TENM4: variants seen among roughly 807,000 people sequenced by gnomAD.
The protein encoded by TENM4 is teneurin-4.
TENM4 carries 82 observed loss-of-function variants against 243.3 expected under a neutral mutation model. That is an observed-to-expected ratio of 0.34 (90% CI 0.28 to 0.40). The LOEUF (loss-of-function observed/expected upper bound fraction) is 0.40, where lower values mean the gene tolerates loss of function less well. Among genes scored for constraint, TENM4 ranks in the 10% least tolerant of loss-of-function variants. TENM4 has a pLI of 1.00. For synonymous variants in TENM4, 1,412 were observed against 1,456.3 expected, an observed-to-expected ratio of 0.97 and a Z score of 0.69; for missense variants, 3,138 against 3,673.3, an observed-to-expected ratio of 0.85 and a Z score of 3.77.
At position 78,903,399 on chromosome 11, in the gene TENM4, C is replaced by A; in HGVS notation, c.618G>T (p.Thr206=). 1 of 1,537,052 alleles carries A rather than the reference C, an allele frequency of 6.5e-7. No homozygotes were observed. The highest frequency in any genetic ancestry group is 8.8e-7 in the Non-Finnish European group (1 of 1,139,576). ...SINSLNRGNF[T]PRSNPSPAPT... ...GGGCCGGGCTGGGGTTGCTCCTCGG[C>A]GTGAAGTTGCCCCGGTTCAGGGAGT... Residue 206 remains threonine, a synonymous_variant, in exon 7 of 34, where the codon ACG becomes ACT. Coordinates refer to ENST00000278550, the MANE Select transcript of TENM4 (RefSeq NM_001098816.3).
chr11:78,941,065 C>T (rs957113776), intron 6 of TENM4, among the ~76,000 whole-genome samples: 3 of 152,212 alleles, frequency 2.0e-5, no homozygotes, highest in Admixed American at 6.5e-5. Flanking sequence ...GCATGTCCCC[C>T]GCAAGCCAAT....
chr11:79,370,232 G>A (rs1857755558), intron 1 of TENM4, among the ~76,000 whole-genome samples: 4 of 152,208 alleles, frequency 2.6e-5, no homozygotes, highest in Non-Finnish European at 4.4e-5. Context: ...GGCCCCCTAC[G>A]ACGGAGGCCA....
intron 17 of TENM4, among the ~76,000 whole-genome samples, chr11:78,773,660 C>T (rs1355331095): frequency 6.6e-6 from 1 of 152,170 alleles, no homozygotes; most frequent in Non-Finnish European, 1.5e-5. Context: ...GCCGTTATAG[C>T]TTGAAAGCAG....
chr11:78,829,618 C>T (rs1179514221), intron 12 of TENM4, among the ~76,000 whole-genome samples: 2 of 152,174 alleles, frequency 1.3e-5, no homozygotes, highest in African/African-American at 2.4e-5. Flanking sequence ...GAATGAGACT[C>T]TGGGGGTTCT....
chr11:78,771,745 C>G (rs969673701), intron 17 of TENM4, among the ~76,000 whole-genome samples: 3 of 152,162 alleles, frequency 2.0e-5, no homozygotes, highest in African/African-American at 7.2e-5. Flanking sequence ...TTCTTAACAT[C>G]TTGTCTACAG....
chr11:79,020,826 C>A (rs1447318882), intron 6 of TENM4, among the ~76,000 whole-genome samples: 2 of 152,170 alleles, frequency 1.3e-5, no homozygotes, highest in African/African-American at 2.4e-5. Flanking sequence ...CATCGCTGAG[C>A]ACCTACTCTA....
chr11:79,265,629 C>T lies in TENM4; in HGVS notation c.-265+31859G>A, dbSNP rs370132780. ...GAGTGTGCGGCTCTGAGCCATTTTGCTTTCATCTACTTTTCACATATATAT... is the reference window on the plus strand; with the variant it reads ...GAGTGTGCGGCTCTGAGCCATTTTGTTTTCATCTACTTTTCACATATATAT... On this transcript the variant is annotated intron_variant, in intron 2 of 33. Coordinates refer to ENST00000278550, the MANE Select transcript of TENM4 (RefSeq NM_001098816.3). Among the ~76,000 whole-genome samples the T allele has an allele frequency of 5.9e-5, 9 of 152,052 alleles. No individual in the cohort carries two copies. The South Asian group carries it at 1.2e-3, about 21-fold the overall frequency.
At chr11:78,907,182 A>T (rs1284669251) in intron 6 of TENM4, among the ~76,000 whole-genome samples, 2 of 151,908 alleles carry the variant, frequency 1.3e-5, no homozygotes, top group Non-Finnish European at 2.9e-5. Flanking sequence ...CTCACTCACA[A>T]ACCCCAGAAA....
intron 6 of TENM4, among the ~76,000 whole-genome samples, chr11:79,045,299 G>A (rs116209504): frequency 0.026 from 3,943 of 152,294 alleles, 176 homozygotes; most frequent in African/African-American, 0.09. Context: ...GCAACACTAT[G>A]AAGGAGGTTG....
intron 1 of TENM4, among the ~76,000 whole-genome samples, chr11:79,414,569 G>A (rs577587721): frequency 2.0e-5 from 3 of 152,336 alleles, no homozygotes; most frequent in African/African-American, 4.8e-5. Context: ...TTCTGTGCCA[G>A]TCTTCTGGAA....
chr11:79,418,706 G>T (rs1858869326), intron 1 of TENM4, among the ~76,000 whole-genome samples: 1 of 152,204 alleles, frequency 6.6e-6, no homozygotes, highest in Non-Finnish European at 1.5e-5. Flanking sequence ...TCTTCTGTGA[G>T]ACCCTGCCTG....
At chr11:79,413,680 A>G (rs1415544448) in intron 1 of TENM4, among the ~76,000 whole-genome samples, 2 of 151,510 alleles carry the variant, frequency 1.3e-5, no homozygotes, top group Admixed American at 6.6e-5. Flanking sequence ...AGTTTAGGAG[A>G]AAAAAAAAGC....
At chr11:78,767,318 C>T (rs2135984825) in intron 18 of TENM4, among the ~76,000 whole-genome samples, 1 of 152,338 alleles carries the variant, frequency 6.6e-6, no homozygotes, top group South Asian at 2.1e-4. Flanking sequence ...CACAGTGTTG[C>T]TGGATGGATG....
At chr11:78,829,811 A>G (rs1857936318) in intron 12 of TENM4, among the ~76,000 whole-genome samples, 1 of 152,178 alleles carries the variant, frequency 6.6e-6, no homozygotes, top group Non-Finnish European at 1.5e-5. Context: ...GTTAGTTTCT[A>G]GTGGCTGTCC....
chr11:78,784,413 G>A (rs1372686341), intron 16 of TENM4, among the ~76,000 whole-genome samples: 2 of 152,120 alleles, frequency 1.3e-5, no homozygotes, highest in African/African-American at 2.4e-5. Context: ...CCTTCAGCAC[G>A]AGGGTGGTGA....
intron 6 of TENM4, among the ~76,000 whole-genome samples, chr11:79,002,098 A>G (rs1282143013): frequency 7.6e-6 from 1 of 132,082 alleles, no homozygotes; most frequent in East Asian, 2.3e-4. Flanking sequence ...TGCCATCCCC[A>G]CCCCCCCACT....
chr11:78,814,002 G>A lies in TENM4; in HGVS notation c.1783+292C>T, dbSNP rs982346337. On this transcript the variant is annotated intron_variant, in intron 13 of 33. Transcript: ENST00000278550. The stretch of plus-strand genomic sequence containing the variant: ...TCAACGTTTTAAAAGAACCCCCACT[G>A]CCACTCCACCTGCCCCAGCAACAGA... Among the ~76,000 whole-genome samples, 10 of 152,238 alleles carry A rather than the reference G, an allele frequency of 6.6e-5. No individual in the cohort carries two copies. In the East Asian group the frequency reaches 1.2e-3, roughly 18 times the overall value.
At chr11:79,284,274 G>T (rs952989761) in intron 2 of TENM4, among the ~76,000 whole-genome samples, 4 of 152,128 alleles carry the variant, frequency 2.6e-5, no homozygotes, top group African/African-American at 9.7e-5. Flanking sequence ...GAAGAACAAC[G>T]TTGGAGGAAC....
chr11:79,321,066 G>A (rs1856880402), intron 1 of TENM4, among the ~76,000 whole-genome samples: 1 of 152,238 alleles, frequency 6.6e-6, no homozygotes, highest in South Asian at 2.1e-4. Flanking sequence ...AGAAGTAGAA[G>A]GAGGCCTAGC....
Sources: allele counts gnomAD v4.1 joint callset (sites outside exome capture counted in the v4.1 genomes callset), GRCh38; gene constraint gnomAD v4.1.1; transcripts MANE v1.5; gene names NCBI Gene and HGNC (gene_info 2026-07-23, HGNC 2026-07-21).